LRRCC1: variants seen among roughly 807,000 people sequenced by gnomAD.
LRRCC1 encodes leucine rich repeat and coiled-coil centrosomal protein 1.
In LRRCC1, 115 loss-of-function variants were observed where a neutral mutation model predicts 126.0. That is an observed-to-expected ratio of 0.91 (90% CI 0.78 to 1.07). LRRCC1 has a LOEUF of 1.07. LRRCC1 is among the 50% of genes least tolerant of loss of function. LRRCC1 has a pLI of 0.00. For missense variants in LRRCC1, 1,172 were observed against 1,175.7 expected (o/e 1.00, Z 0.05); for synonymous variants, 400 against 393.4 (o/e 1.02, Z -0.20).
intron 8 of LRRCC1, among the ~76,000 whole-genome samples, chr8:85,126,071 C>A (rs1809972809): frequency 6.6e-6 from 1 of 152,124 alleles, no homozygotes; most frequent in Admixed American, 6.5e-5. Flanking sequence ...TCTTTATATT[C>A]CCTTGCGTGC....
chr8:85,108,454 A>G (rs1485841165), intron 1 of LRRCC1, among the ~76,000 whole-genome samples: 2 of 152,252 alleles, frequency 1.3e-5, no homozygotes, highest in Non-Finnish European at 2.9e-5. Flanking sequence ...TATACACTTC[A>G]TGAAGAATTA....
At chr8:85,117,542 T>G (rs1809217157) in intron 6 of LRRCC1, among the ~76,000 whole-genome samples, 1 of 152,188 alleles carries the variant, frequency 6.6e-6, no homozygotes, top group African/African-American at 2.4e-5. Flanking sequence ...TACTGCAATG[T>G]GCTGTACTAT....
Position 85,145,929 on chromosome 8 carries a change from T to G in LRRCC1, c.*418T>G, listed in dbSNP as rs1811647835. ...ATGTAGCTCAATTCTTTTAAAGTAC[T>G]TATGTAGCCAAAAAGCATTTGAAAT... On this transcript the variant is annotated 3_prime_UTR_variant, in exon 19 of 19. Coordinates refer to ENST00000360375, the MANE Select transcript of LRRCC1 (RefSeq NM_033402.5). 6.6e-6 allele frequency: 1 copy of G among 152,564 alleles called. No homozygotes were observed. Among genetic ancestry groups the G allele is most frequent in the East Asian group, 1.9e-4 (1 of 5,226 alleles). 9.5% of individuals were successfully genotyped at this position (152,564 alleles called of 1,614,324 possible). A position where few individuals can be genotyped will look rare whatever the true frequency, so the allele number is the denominator to read the frequency against.
intron 18 of LRRCC1, among the ~76,000 whole-genome samples, chr8:85,144,428 A>ATGTG (rs201121031): frequency 0.011 from 949 of 88,924 alleles, 10 homozygotes; most frequent in Non-Finnish European, 0.015. Flanking sequence ...GTGTGTGTGT[A>ATGTG]TGTGTGTGTG....
intron 3 of LRRCC1, among the ~76,000 whole-genome samples, chr8:85,110,544 G>A (rs1030507430): frequency 5.3e-5 from 8 of 152,210 alleles, no homozygotes; most frequent in African/African-American, 1.2e-4. Context: ...GTTCAATATG[G>A]CAGCCAGTAG....
rs869241784 is a variant in LRRCC1 at position 85,144,444 on chromosome 8, G to GTATA, written c.2977-917_2977-914dup. Among the ~76,000 whole-genome samples, 32 of 114,918 alleles carry GTATA rather than the reference G, an allele frequency of 2.8e-4. 1 individual carries two copies. Among genetic ancestry groups the GTATA allele is most frequent in the Admixed American group, 1.8e-3 (18 of 10,122 alleles). 75.4% of individuals were successfully genotyped at this position (114,918 alleles called of 152,430 possible). ...TGTGTGTGTATGTGTGTGTGTGTGT[G>GTATA]TATATATATATATATATATATATAT... On this transcript the variant is annotated intron_variant, in intron 18 of 18. Transcript: ENST00000360375.
rs375921562 is a variant in LRRCC1 at position 85,131,837 on chromosome 8, A to C, written c.1844A>C (p.Glu615Ala). ...TTAGCTAAAGAAATAGCCAAAGAAG[A>C]GAAAAAGCATGAGCAAATGATAAAA... ...DALAKEIAKE[E>A]KKHEQMIKEY... The change falls in exon 12 of 19, where the codon GAG (glutamate) becomes GCG (alanine). Residue 615 changes from glutamate to alanine, a missense_variant. Transcript: ENST00000360375. 1.9e-6 allele frequency: 3 copies of C among 1,613,814 alleles called. No individual in the cohort carries two copies. The African/African-American group carries it at 4.0e-5, about 22-fold the overall frequency.
At chr8:85,141,822 TAGGC>T (rs1244052758) in intron 18 of LRRCC1, among the ~76,000 whole-genome samples, 1 of 152,178 alleles carries the variant, frequency 6.6e-6, no homozygotes, top group African/African-American at 2.4e-5. Context: ...TGGTTACACA[TAGGC>T]AGGGTGAGAA....
intron 1 of LRRCC1, among the ~76,000 whole-genome samples, chr8:85,108,358 C>T (rs1808429853): frequency 6.6e-6 from 1 of 152,188 alleles, no homozygotes; most frequent in South Asian, 2.1e-4. Context: ...TATCAGTAAT[C>T]CTCACAGCAA....
chr8:85,116,459 G>T (rs1368590552), intron 6 of LRRCC1, among the ~76,000 whole-genome samples: 1 of 151,770 alleles, frequency 6.6e-6, no homozygotes, highest in East Asian at 1.9e-4. Flanking sequence ...CTGCAGCCTC[G>T]AATTCCTGAG....
intron 18 of LRRCC1, among the ~76,000 whole-genome samples, chr8:85,142,697 G>A (rs1401733486): frequency 2.0e-5 from 3 of 152,076 alleles, no homozygotes; most frequent in South Asian, 2.1e-4. Flanking sequence ...GGGTGTGGTG[G>A]CGCATGCCTG....
At chr8:85,112,237 T>C (rs1425505414) in intron 3 of LRRCC1, among the ~76,000 whole-genome samples, 1 of 152,216 alleles carries the variant, frequency 6.6e-6, no homozygotes, top group Non-Finnish European at 1.5e-5. Flanking sequence ...AGTCTGACTC[T>C]TAGGTATTTA....
chr8:85,116,228 T>C (rs1398728332), intron 6 of LRRCC1, among the ~76,000 whole-genome samples: 1 of 152,198 alleles, frequency 6.6e-6, no homozygotes, highest in Non-Finnish European at 1.5e-5. Context: ...AGTGGTTCTC[T>C]TGGGTACCAC....
intron 11 of LRRCC1, among the ~76,000 whole-genome samples, chr8:85,131,028 T>C (rs1304418897): frequency 6.6e-5 from 10 of 152,234 alleles, no homozygotes; most frequent in Admixed American, 6.5e-4. Context: ...ACCAGTGAAA[T>C]TGTATGATTA....
At chr8:85,145,352 T>C in intron 18 of LRRCC1, 37 bp from the exon 19 acceptor site, 1 of 1,385,310 alleles carries the variant, frequency 7.2e-7, no homozygotes. Context: ...ACATTTTCTT[T>C]AAGAAATTAA....
intron 1 of LRRCC1, 76 bp downstream of exon 1, chr8:85,107,475 C>T: frequency 7.8e-7 from 1 of 1,274,150 alleles, no homozygotes; most frequent in Non-Finnish European, 1.1e-6. Context: ...GCGGCGACAC[C>T]AGAGTGGAGG....
chr8:85,136,982 G>A (rs1563955981), intron 14 of LRRCC1, among the ~76,000 whole-genome samples: 1 of 150,824 alleles, frequency 6.6e-6, no homozygotes. Context: ...GAGCCACTAT[G>A]CCCGGCTAAT....
intron 1 of LRRCC1, 106 bp from the exon 2 acceptor site, chr8:85,109,489 A>G (rs993606074): frequency 3.2e-6 from 2 of 627,828 alleles, no homozygotes. Context: ...ATTTCATTCT[A>G]GAATGAATAG....
chr8:85,112,116 C>T (rs1808772772), intron 3 of LRRCC1, among the ~76,000 whole-genome samples: 1 of 152,152 alleles, frequency 6.6e-6, no homozygotes, highest in Non-Finnish European at 1.5e-5. Flanking sequence ...CCCACCTCAT[C>T]CTCCCAAAGT....
Sources: gnomAD v4.1 joint callset for allele counts (sites outside exome capture counted in the v4.1 genomes callset) on GRCh38, gnomAD v4.1.1 for gene constraint, MANE v1.5 for transcripts, NCBI Gene and HGNC (gene_info 2026-07-23, HGNC 2026-07-21) for gene names.